The following GLS variants were observed in gnomAD, a reference collection of about 807,000 sequenced individuals.
The protein encoded by GLS is glutaminase kidney isoform, mitochondrial.
In GLS, 36 loss-of-function variants were observed where a neutral mutation model predicts 86.7. The observed-to-expected ratio is 0.42, with a 90% CI of 0.32 to 0.55. The LOEUF is 0.55. Among genes scored for constraint, GLS ranks in the 20% least tolerant of loss-of-function variants. GLS has a pLI of 0.17. For missense variants in GLS, 528 were observed against 833.4 expected, an observed-to-expected ratio of 0.63 and a Z score of 4.51; for synonymous variants, 317 against 305.9, an observed-to-expected ratio of 1.04 and a Z score of -0.38.
In GLS at chr2:190,930,325, T is replaced by A; in HGVS notation, c.1426-112T>A. The A allele has an allele frequency of 1.3e-6, 1 of 771,564 alleles. No homozygotes were observed. The highest frequency in any genetic ancestry group is 2.2e-6 in the Non-Finnish European group (1 of 461,820). The allele number at this position is 771,564 out of a possible 1,614,324, so 47.8% of individuals were successfully genotyped here. ...TGCTTGCCTTGGCCTCCCAAAGTGCTGAGATTACAGGAGTGAGCCATGGTG... is the reference window on the plus strand; with the variant it reads ...TGCTTGCCTTGGCCTCCCAAAGTGCAGAGATTACAGGAGTGAGCCATGGTG... On this transcript the variant is annotated intron_variant, in intron 12 of 17. Coordinates refer to ENST00000320717, the MANE Select transcript of GLS (RefSeq NM_014905.5). The surrounding 1 kb of genome is among the most constrained non-coding windows in gnomAD (Gnocchi z 5.0).
chr2:190,926,839 G>GA (rs1270608905), intron 11 of GLS, among the ~76,000 whole-genome samples: 1 of 152,138 alleles, frequency 6.6e-6, no homozygotes, highest in Non-Finnish European at 1.5e-5. Flanking sequence ...TGTTATGGGT[G>GA]AAATGTCAGG....
chr2:190,910,176 T>C, intron 6 of GLS, 87 bp from the exon 7 acceptor site: 1 of 789,988 alleles, frequency 1.3e-6, no homozygotes, highest in East Asian at 2.8e-5. Flanking sequence ...ACGTTAGCTG[T>C]GCTTTTTCCA....
intron 7 of GLS, among the ~76,000 whole-genome samples, chr2:190,917,637 A>G (rs764440687): frequency 4.6e-5 from 7 of 152,216 alleles, no homozygotes; most frequent in Non-Finnish European, 8.8e-5. Context: ...TTAAATAGTA[A>G]GACTTGAAAG....
At position 190,900,673 on chromosome 2, in the gene GLS, A is replaced by G. The variant is rs757527381; in HGVS notation, c.715A>G (p.Lys239Glu). The G allele has an allele frequency of 1.6e-5, 25 of 1,606,942 alleles. No homozygotes were observed. The Middle Eastern group carries it at 5.0e-4, about 32-fold the overall frequency. Residue 239 changes from lysine to glutamate, a missense_variant, in exon 4 of 18, where the codon AAA becomes GAA. By Grantham distance (56) the Lys-to-Glu change is moderately conservative. This residue lies in a region of GLS where 111 missense variants were observed against 179.5 expected (regional missense o/e 0.62). Transcript: ENST00000320717. Reference protein sequence around the residue: ...SHIDELYESAKKQSGGKVADY... With the variant: ...SHIDELYESAEKQSGGKVADY... The stretch of plus-strand genomic sequence containing the variant: ...CATTGATGAGTTATATGAAAGTGCT[A>G]AAAAGCAGTCTGGAGGAAAGGTAAT...
intron 1 of GLS, 118 bp downstream of exon 1, chr2:190,881,588 A>T (rs929235591): frequency 3.0e-6 from 3 of 1,009,210 alleles, no homozygotes; most frequent in African/African-American, 1.7e-5. Flanking sequence ...AGAAAGAAAG[A>T]GGTGCCGGGC....
Position 190,881,221 on chromosome 2 carries a change from C to T in GLS, c.137C>T (p.Ala46Val), listed in dbSNP as rs994797321. ...RRPRGGGRPA[A>V]GPAAAARLHP... ...CCCCGAGGCGGGGGACGGCCGGCCG[C>T]GGGCCCGGCTGCCGCCGCGCGACTC... Residue 46 changes from alanine to valine, a missense_variant, in exon 1 of 18, where the codon GCG becomes GTG. This residue lies in a region of GLS where 224 missense variants were observed against 187.9 expected (regional missense o/e 1.19). Transcript: ENST00000320717. 6.4e-6 allele frequency: 8 copies of T among 1,245,586 alleles called. No homozygotes were observed. The African/African-American group carries it at 9.4e-5, about 15-fold the overall frequency. 77.2% of individuals were successfully genotyped at this position (1,245,586 alleles called of 1,614,324 possible). A position where few individuals can be genotyped will look rare whatever the true frequency, so the allele number is the denominator to read the frequency against.
At chr2:190,894,308 T>C (rs1471851868) in intron 1 of GLS, among the ~76,000 whole-genome samples, 1 of 152,120 alleles carries the variant, frequency 6.6e-6, no homozygotes, top group Non-Finnish European at 1.5e-5. Flanking sequence ...AAAATGTAAA[T>C]GCTATGTAAA....
At chr2:190,939,121 T>C (rs532850150) in intron 14 of GLS, among the ~76,000 whole-genome samples, 1 of 151,814 alleles carries the variant, frequency 6.6e-6, no homozygotes, top group African/African-American at 2.4e-5. Context: ...ATGCAAAATA[T>C]CTAGCTACTT....
At chr2:190,933,658 A>G in intron 14 of GLS, 1 of 956,948 alleles carries the variant, frequency 1.0e-6, no homozygotes, top group Non-Finnish European at 1.2e-6. Context: ...CTTCAAGTGA[A>G]TTGTTCACCT....
At position 190,933,069 on chromosome 2, in the gene GLS, A is replaced by G. The variant is rs3771309; in HGVS notation, c.1650+1432A>G. 15 of 1,019,682 alleles carry G rather than the reference A, an allele frequency of 1.5e-5. No individual in the cohort carries two copies. In the East Asian group the frequency reaches 7.6e-4, roughly 52 times the overall value. The allele number at this position is 1,019,682 out of a possible 1,614,324, so 63.2% of individuals were successfully genotyped here. The stretch of plus-strand genomic sequence containing the variant: ...TGTTGGTCTTTAAAAAGTATTTACA[A>G]GTACATAAATTTGCTTTATTTTTAA... On this transcript the variant is annotated intron_variant, in intron 14 of 17. Coordinates refer to ENST00000320717, the MANE Select transcript of GLS (RefSeq NM_014905.5).
rs112338352 is a variant in GLS at position 190,948,060 on chromosome 2, T to C, written c.1651-5505T>C. Among the ~76,000 whole-genome samples, 14 of 152,360 alleles carry C rather than the reference T, an allele frequency of 9.2e-5. 1 individual carries two copies. The highest frequency in any genetic ancestry group is 3.4e-4 in the African/African-American group (14 of 41,586). Reference sequence around the variant, plus strand: ...TAAACTTAAAAGTATAGGGGGCTGTTGATGCTAGAAAGAAGAGGAATTTGT... The same window carrying C: ...TAAACTTAAAAGTATAGGGGGCTGTCGATGCTAGAAAGAAGAGGAATTTGT... On this transcript the variant is annotated intron_variant, in intron 14 of 17. Transcript: ENST00000320717.
intron 14 of GLS, chr2:190,932,874 C>T (rs878952458): frequency 6.8e-7 from 1 of 1,468,604 alleles, no homozygotes; most frequent in African/African-American, 1.4e-5. Context: ...GAAATGGGTT[C>T]TAGTTTCAGA....
chr2:190,941,283 T>C (rs957101036), intron 14 of GLS, among the ~76,000 whole-genome samples: 5 of 152,166 alleles, frequency 3.3e-5, no homozygotes, highest in African/African-American at 4.8e-5. Context: ...CTAATTCATT[T>C]TAAATGTTAC....
intron 14 of GLS, among the ~76,000 whole-genome samples, chr2:190,936,514 A>C (rs1464097185): frequency 6.6e-6 from 1 of 150,972 alleles, no homozygotes; most frequent in African/African-American, 2.4e-5. Context: ...GAACCCCTAA[A>C]ATTTTTGCTG....
intron 1 of GLS, among the ~76,000 whole-genome samples, chr2:190,893,558 A>G (rs1290130119): frequency 2.6e-5 from 4 of 152,186 alleles, no homozygotes; most frequent in Non-Finnish European, 4.4e-5. Flanking sequence ...AGTGATCAAT[A>G]TATTGTAGTT....
Position 190,942,789 on chromosome 2 carries a change from T to C in GLS, c.1651-10776T>C, listed in dbSNP as rs74744922. Among the ~76,000 whole-genome samples the C allele has an allele frequency of 5.8e-3, 876 of 152,212 alleles. 20 individuals are homozygous for C. The highest frequency in any genetic ancestry group is 0.053 in the East Asian group (273 of 5,188). ...GTTGATTGACAGTGCTTTAAACATA[T>C]GGGGGTTATTTTTCTAATATAACAG... On this transcript the variant is annotated intron_variant, in intron 14 of 17. Transcript: ENST00000320717.
Position 190,962,903 on chromosome 2 carries a change from C to A in GLS, c.1927C>A (p.Gln643Lys), listed in dbSNP as rs777426975. 6.2e-7 allele frequency: 1 copy of A among 1,601,426 alleles called. No individual in the cohort carries two copies. The highest frequency in any genetic ancestry group is 1.8e-5 in the Admixed American group (1 of 56,920). ...TGTATTTAAAATTCTCCAAGAATAC[C>A]AAGTCCAGTACACACCTCAAGGAGA... ...HDVFKILQEY[Q>K]VQYTPQGDSD... is the part of the protein sequence containing the mutation. Residue 643 changes from glutamine (Q) to lysine (K), a missense_variant, in exon 18 of 18, where the codon CAA becomes AAA. Physicochemically the swap from Gln to Lys is moderately conservative, Grantham distance 53. Coordinates refer to ENST00000320717, the MANE Select transcript of GLS (RefSeq NM_014905.5). This position sits in a 1 kb window ranked among gnomAD's most constrained non-coding sequence, Gnocchi z 4.2.
intron 11 of GLS, 34 bp from the exon 12 acceptor site, chr2:190,927,272 G>A (rs756576290): frequency 2.0e-6 from 3 of 1,505,960 alleles, no homozygotes; most frequent in South Asian, 1.2e-5. Context: ...AATATTAAAA[G>A]TAGTATGAGA....
Position 190,965,053 on chromosome 2 carries a change from G to A in GLS, c.*2067G>A, listed in dbSNP as rs1323892661. ...ATGACTATGTGCCGATTCCTGCTCG[G>A]GCTGTTTGCTGTTGGCTGGTAATAA... On this transcript the variant is annotated 3_prime_UTR_variant, in exon 18 of 18. Transcript: ENST00000320717. This position sits in a 1 kb window ranked among gnomAD's most constrained non-coding sequence, Gnocchi z 5.0. 1 of 152,008 alleles carries A rather than the reference G, an allele frequency of 6.6e-6. No individual in the cohort carries two copies. Among genetic ancestry groups the A allele is most frequent in the African/African-American group, 2.4e-5 (1 of 41,378 alleles). The allele number at this position is 152,008 out of a possible 1,614,324, so 9.4% of individuals were successfully genotyped here. A position where few individuals can be genotyped will look rare whatever the true frequency, so the allele number is the denominator to read the frequency against.
Sources: gnomAD v4.1 joint callset for allele counts (sites outside exome capture counted in the v4.1 genomes callset) on GRCh38, gnomAD v4.1.1 for gene constraint, gnomAD v4.1.1 regional missense constraint, Gnocchi (gnomAD v3.1) non-coding constraint, MANE v1.5 for transcripts, NCBI Gene and HGNC (gene_info 2026-07-23, HGNC 2026-07-21) for gene names.